The following TICAM2 variants were observed in gnomAD, a reference collection of about 807,000 sequenced individuals.
TICAM2 encodes the protein TIR domain-containing adapter molecule 2.
A neutral mutation model predicts 7.3 loss-of-function variants in TICAM2; 8 were observed. That is an observed-to-expected ratio of 1.10 (90% CI 0.65 to 1.99). The LOEUF is 1.99. TICAM2 is among the 30% of genes most tolerant of loss of function. The pLI is 0.00. For synonymous variants in TICAM2, 113 were observed against 99.6 expected (o/e 1.13, Z -0.80); for missense variants, 304 against 278.8 (o/e 1.09, Z -0.65).
chr5:115,601,640 G>A (rs1054586882), intron 1 of TICAM2, among the ~76,000 whole-genome samples: 1 of 152,118 alleles, frequency 6.6e-6, no homozygotes, highest in Non-Finnish European at 1.5e-5. Flanking sequence ...AGCTGGAGAG[G>A]TCCTAATACA....
chr5:115,590,095 C>T lies in TICAM2; in HGVS notation c.-59-8780G>A, dbSNP rs530648434. On this transcript the variant is annotated intron_variant, in intron 1 of 1. Coordinates refer to ENST00000427199, the MANE Select transcript of TICAM2 (RefSeq NM_021649.7). ...TGGTGCAGTTGTCCATGTCTGTAAT[C>T]CCAATACTTTGAGAAGCCGAGGTGG... Among the ~76,000 whole-genome samples the T allele has an allele frequency of 2.6e-5, 4 of 152,162 alleles. No individual in the cohort carries two copies. The East Asian group carries it at 7.7e-4, about 29-fold the overall frequency.
At chr5:115,590,504 C>A (rs956212242) in intron 1 of TICAM2, among the ~76,000 whole-genome samples, 3 of 152,116 alleles carry the variant, frequency 2.0e-5, no homozygotes, top group African/African-American at 7.2e-5. Flanking sequence ...TGATAGAAAG[C>A]AATATTAATG....
intron 1 of TICAM2, among the ~76,000 whole-genome samples, chr5:115,593,163 A>C (rs1020700627): frequency 6.6e-6 from 1 of 152,182 alleles, no homozygotes; most frequent in Non-Finnish European, 1.5e-5. Context: ...AACAAAAATC[A>C]ATGTAAGTAA....
chr5:115,578,957 G>T lies in TICAM2; in HGVS notation c.*1592C>A, dbSNP rs376421323. 6.6e-6 allele frequency: 1 copy of T among 152,578 alleles called. No homozygotes were observed. Among genetic ancestry groups the T allele is most frequent in the East Asian group, 1.9e-4 (1 of 5,198 alleles). 9.5% of individuals were successfully genotyped at this position (152,578 alleles called of 1,614,324 possible). On this transcript the variant is annotated 3_prime_UTR_variant, in exon 2 of 2. Coordinates refer to ENST00000427199, the MANE Select transcript of TICAM2 (RefSeq NM_021649.7). ...TCCTCATAGAACGTTTTGGTTCATG[G>T]CTATGAAGAGGTAACTGCAAAAAGA...
chr5:115,600,037 G>C (rs1454271461), intron 1 of TICAM2, among the ~76,000 whole-genome samples: 1 of 152,160 alleles, frequency 6.6e-6, no homozygotes. Flanking sequence ...GCTTAGCTTA[G>C]AGAGGGAGAG....
At chr5:115,600,728 G>A (rs1011135128) in intron 1 of TICAM2, among the ~76,000 whole-genome samples, 1 of 152,024 alleles carries the variant, frequency 6.6e-6, no homozygotes, top group African/African-American at 2.4e-5. Flanking sequence ...GGGGTAATGG[G>A]GACAAAAAGC....
At chr5:115,588,676 C>T (rs918450567) in intron 1 of TICAM2, among the ~76,000 whole-genome samples, 1 of 152,206 alleles carries the variant, frequency 6.6e-6, no homozygotes, top group Non-Finnish European at 1.5e-5. Flanking sequence ...ACTTTCATCT[C>T]CCAGACTCCC....
intron 1 of TICAM2, among the ~76,000 whole-genome samples, chr5:115,595,701 C>T (rs543035199): frequency 3.9e-5 from 6 of 152,236 alleles, no homozygotes; most frequent in Admixed American, 3.3e-4. Context: ...TCCTTTTATC[C>T]ATAAAATTTG....
At position 115,580,855 on chromosome 5, in the gene TICAM2, C is replaced by T; in HGVS notation, c.402G>A (p.Trp134Ter). 1 of 1,611,644 alleles carries T rather than the reference C, an allele frequency of 6.2e-7. No individual in the cohort carries two copies. The highest frequency in any genetic ancestry group is 8.5e-7 in the Non-Finnish European group (1 of 1,178,456). ...NLDDAVNGSAWTILLLTENFL... is the reference protein window; with the variant it reads ...NLDDAVNGSA ...AGTTTTCAGTCAGTAATAAGATTGT[C>T]CATGCAGACCCATTTACAGCATCAT... Residue 134 changes from tryptophan (W) to a stop codon, truncating the protein, a stop_gained, in exon 2 of 2, where the codon TGG becomes TGA. Coordinates refer to ENST00000427199, the MANE Select transcript of TICAM2 (RefSeq NM_021649.7). LOFTEE classifies it high-confidence loss of function.
At chr5:115,591,707 GA>G (rs1175860457) in intron 1 of TICAM2, among the ~76,000 whole-genome samples, 1 of 151,014 alleles carries the variant, frequency 6.6e-6, no homozygotes, top group African/African-American at 2.4e-5. Flanking sequence ...AAACAAGCTA[GA>G]AAAAAAACCC....
rs769056126 is a variant in TICAM2 at position 115,586,419 on chromosome 5, A to G, written c.-59-5104T>C. On this transcript the variant is annotated intron_variant, in intron 1 of 1. Transcript: ENST00000427199. ...ACCATTAATTAAGGTAGAGTGTTGG[A>G]AAAAAAAAAAAAAAAACAGAACAGA... Among the ~76,000 whole-genome samples the G allele has an allele frequency of 9.2e-4, 22 of 23,914 alleles. 1 individual carries two copies. The highest frequency in any genetic ancestry group is 3.9e-4 in the African/African-American group (1 of 2,576). 15.7% of individuals were successfully genotyped at this position (23,914 alleles called of 152,430 possible). A position where few individuals can be genotyped will look rare whatever the true frequency, so the allele number is the denominator to read the frequency against.
rs188568087 is a variant in TICAM2, at chr5:115,595,564, C to T, written c.-60+6533G>A. 4.1e-3 allele frequency among the ~76,000 whole-genome samples: 629 copies of T among 152,282 alleles called. 1 individual carries two copies. The highest frequency in any genetic ancestry group is 7.0e-3 in the Non-Finnish European group (474 of 68,014). Reference sequence around the variant, plus strand: ...CCCTTTACATCATTTCTAGATAGATCTTTCTGCAATGGAAAACTGATCCTG... The same window carrying T: ...CCCTTTACATCATTTCTAGATAGATTTTTCTGCAATGGAAAACTGATCCTG... On this transcript the variant is annotated intron_variant, in intron 1 of 1. Coordinates refer to ENST00000427199, the MANE Select transcript of TICAM2 (RefSeq NM_021649.7).
intron 1 of TICAM2, among the ~76,000 whole-genome samples, chr5:115,601,699 G>C (rs753159060): frequency 6.6e-6 from 1 of 152,170 alleles, no homozygotes; most frequent in African/African-American, 2.4e-5. Context: ...ATCCAAATTA[G>C]CTTTGCACAA....
intron 1 of TICAM2, among the ~76,000 whole-genome samples, chr5:115,587,864 G>A (rs896841388): frequency 1.3e-5 from 2 of 152,114 alleles, no homozygotes; most frequent in Non-Finnish European, 2.9e-5. Context: ...CTGAGAATAG[G>A]TATTGAAAAG....
At position 115,580,932 on chromosome 5, in the gene TICAM2, C is replaced by T. The variant is rs1754898143; in HGVS notation, c.325G>A (p.Gly109Arg). ...LLQDDFGIKP[G>R]IIFAEMPCGR... The stretch of plus-strand genomic sequence containing the variant: ...CATGGCATCTCAGCAAAGATTATTC[C>T]GGGTTTGATACCAAAGTCATCTTGT... The change falls in exon 2 of 2, where the codon GGA becomes AGA. Residue 109 changes from glycine to arginine, a missense_variant. Transcript: ENST00000427199. 6.8e-6 allele frequency: 11 copies of T among 1,613,632 alleles called. No individual in the cohort carries two copies. Among genetic ancestry groups the T allele is most frequent in the East Asian group, 2.2e-5 (1 of 44,880 alleles).
chr5:115,587,150 A>G (rs1376481463), intron 1 of TICAM2, among the ~76,000 whole-genome samples: 1 of 152,208 alleles, frequency 6.6e-6, no homozygotes, highest in African/African-American at 2.4e-5. Flanking sequence ...GGTAAAGTAG[A>G]TTAAAAGAGG....
intron 1 of TICAM2, among the ~76,000 whole-genome samples, chr5:115,600,509 T>C (rs1434862247): frequency 6.6e-6 from 1 of 151,830 alleles, no homozygotes; most frequent in African/African-American, 2.4e-5. Flanking sequence ...TGGGGAAGCC[T>C]GGAGACACAA....
chr5:115,596,678 G>T (rs1312433458), intron 1 of TICAM2, among the ~76,000 whole-genome samples: 2 of 152,202 alleles, frequency 1.3e-5, no homozygotes, highest in Non-Finnish European at 2.9e-5. Flanking sequence ...CCAGCACTTT[G>T]GGAGGCCAAG....
At chr5:115,595,022 G>C (rs1392312683) in intron 1 of TICAM2, among the ~76,000 whole-genome samples, 1 of 152,126 alleles carries the variant, frequency 6.6e-6, no homozygotes, top group Non-Finnish European at 1.5e-5. Context: ...ACACTATTCT[G>C]ACATGATTCC....
Sources: allele counts gnomAD v4.1 joint callset (sites outside exome capture counted in the v4.1 genomes callset), GRCh38; gene constraint gnomAD v4.1.1; transcripts MANE v1.5; gene names NCBI Gene and HGNC (gene_info 2026-07-23, HGNC 2026-07-21).